Variants in BCL2A1 observed in about 807,000 individuals in gnomAD.
BCL2A1 encodes the protein bcl-2-related protein A1.
In BCL2A1, 10 loss-of-function variants were observed where a neutral mutation model predicts 14.4. The ratio of observed to expected loss-of-function variants is 0.69; its 90% CI spans 0.43 to 1.18. BCL2A1 has a LOEUF of 1.18. Ranked by LOEUF, BCL2A1 falls within the 50% of genes most tolerant of loss-of-function variation. BCL2A1 has a pLI of 0.00. For missense variants in BCL2A1, 158 were observed against 205.0 expected, an observed-to-expected ratio of 0.77 and a Z score of 1.40; for synonymous variants, 71 against 76.5, an observed-to-expected ratio of 0.93 and a Z score of 0.38.
At chr15:79,962,944 GA>G (rs1298224173) in intron 1 of BCL2A1, among the ~76,000 whole-genome samples, 2 of 151,600 alleles carry the variant, frequency 1.3e-5, no homozygotes, top group Non-Finnish European at 2.9e-5. Flanking sequence ...AGTGAACAAA[GA>G]AAAAAATGAT....
At chr15:79,963,084 C>T (rs1012164441) in intron 1 of BCL2A1, among the ~76,000 whole-genome samples, 1 of 151,978 alleles carries the variant, frequency 6.6e-6, no homozygotes, top group South Asian at 2.1e-4. Flanking sequence ...TGTGTTCAAG[C>T]GATTCTTCTG....
intron 1 of BCL2A1, among the ~76,000 whole-genome samples, chr15:79,961,486 G>C (rs973907142): frequency 2.0e-5 from 3 of 151,740 alleles, no homozygotes; most frequent in Non-Finnish European, 4.4e-5. Flanking sequence ...ACAAACCTTC[G>C]AAATCCAATG....
chr15:79,969,275 G>T (rs1003871104), intron 1 of BCL2A1, among the ~76,000 whole-genome samples: 1 of 152,178 alleles, frequency 6.6e-6, no homozygotes, highest in Non-Finnish European at 1.5e-5. Context: ...TGATGGGAGT[G>T]TAACTTGGTA....
chr15:79,970,603 T>G (rs759028124), intron 1 of BCL2A1, 97 bp downstream of exon 1: 2 of 1,236,714 alleles, frequency 1.6e-6, no homozygotes, highest in Non-Finnish European at 2.3e-6. Flanking sequence ...AATAGTATTC[T>G]TAGGTAAAGT....
Position 79,960,893 on chromosome 15 carries a change from A to G in BCL2A1, c.*174T>C, listed in dbSNP as rs1014229447. On this transcript the variant is annotated 3_prime_UTR_variant, in exon 2 of 2. Coordinates refer to ENST00000267953, the MANE Select transcript of BCL2A1 (RefSeq NM_004049.4). ...AAGAAATTAAGACAAAATGGCATAT[A>G]GAGAAAAATACATACAATTTATTCA... 8.3e-6 allele frequency: 9 copies of G among 1,087,122 alleles called. No homozygotes were observed. Among genetic ancestry groups the G allele is most frequent in the East Asian group, 2.4e-5 (1 of 40,978 alleles). The allele number at this position is 1,087,122 out of a possible 1,614,324, so 67.3% of individuals were successfully genotyped here.
chr15:79,963,774 G>A (rs1401851069), intron 1 of BCL2A1, among the ~76,000 whole-genome samples: 5 of 152,124 alleles, frequency 3.3e-5, no homozygotes, highest in Non-Finnish European at 5.9e-5. Flanking sequence ...GCATACCCAT[G>A]CTTCAGTATT....
At chr15:79,966,360 G>A (rs954993945) in intron 1 of BCL2A1, among the ~76,000 whole-genome samples, 1 of 152,144 alleles carries the variant, frequency 6.6e-6, no homozygotes, top group Admixed American at 6.6e-5. Context: ...CAAATATTCA[G>A]TTTCAGTGTT....
chr15:79,967,222 T>A (rs1241052937), intron 1 of BCL2A1, among the ~76,000 whole-genome samples: 1 of 67,120 alleles, frequency 1.5e-5, no homozygotes, highest in African/African-American at 7.5e-5. Flanking sequence ...CACATACCGC[T>A]TTTTTTTTTT....
intron 1 of BCL2A1, 37 bp from the exon 2 acceptor site, chr15:79,961,211 G>A: frequency 6.3e-7 from 1 of 1,579,910 alleles, no homozygotes. Flanking sequence ...AAACATCATT[G>A]GAGATTAAGT....
At chr15:79,969,090 A>G (rs567118409) in intron 1 of BCL2A1, among the ~76,000 whole-genome samples, 1 of 151,818 alleles carries the variant, frequency 6.6e-6, no homozygotes, top group Non-Finnish European at 1.5e-5. Context: ...ATATGAAAAG[A>G]TGCTCAAAAT....
chr15:79,968,765 T>C (rs2035567945), intron 1 of BCL2A1, among the ~76,000 whole-genome samples: 1 of 152,182 alleles, frequency 6.6e-6, no homozygotes, highest in Non-Finnish European at 1.5e-5. Flanking sequence ...ACCCTGTCTC[T>C]ACTAAAAATA....
At chr15:79,962,877 C>G (rs959201963) in intron 1 of BCL2A1, among the ~76,000 whole-genome samples, 6 of 151,700 alleles carry the variant, frequency 4.0e-5, no homozygotes, top group Non-Finnish European at 5.9e-5. Flanking sequence ...CGATCATTGT[C>G]TATTATCATT....
At chr15:79,965,277 G>A (rs1433563015) in intron 1 of BCL2A1, among the ~76,000 whole-genome samples, 14 of 152,086 alleles carry the variant, frequency 9.2e-5, no homozygotes, top group Admixed American at 4.6e-4. Context: ...ACAGGCATGC[G>A]CCACCACGCC....
At chr15:79,962,258 G>C (rs1246067872) in intron 1 of BCL2A1, among the ~76,000 whole-genome samples, 5 of 152,164 alleles carry the variant, frequency 3.3e-5, no homozygotes, top group Non-Finnish European at 7.3e-5. Flanking sequence ...ATCATTTTAT[G>C]AGCATCACTG....
intron 1 of BCL2A1, among the ~76,000 whole-genome samples, chr15:79,963,924 A>G (rs984830999): frequency 2.0e-5 from 3 of 152,230 alleles, no homozygotes; most frequent in Non-Finnish European, 2.9e-5. Flanking sequence ...TTAACATGAA[A>G]TATGTGAGAC....
At chr15:79,963,045 G>A (rs1055065830) in intron 1 of BCL2A1, among the ~76,000 whole-genome samples, 11 of 152,042 alleles carry the variant, frequency 7.2e-5, no homozygotes, top group Admixed American at 6.6e-5. Context: ...GCAATGGCGC[G>A]ATCTCAGCTG....
chr15:79,969,137 A>G (rs574364655), intron 1 of BCL2A1, among the ~76,000 whole-genome samples: 1 of 152,266 alleles, frequency 6.6e-6, no homozygotes, highest in South Asian at 2.1e-4. Flanking sequence ...AATCAAGAAA[A>G]CAAGAATTGA....
intron 1 of BCL2A1, among the ~76,000 whole-genome samples, chr15:79,966,646 T>C (rs1203443340): frequency 6.6e-6 from 1 of 152,214 alleles, no homozygotes; most frequent in African/African-American, 2.4e-5. Context: ...CCTTTCCTTA[T>C]GAATGCTGGA....
Position 79,971,129 on chromosome 15 carries a change from G to A in BCL2A1, c.-10C>T. ...ATTCACAGTCTGTCATCTTCTGCCT[G>A]GTGGAGAGCAAAGTCTTGAGCTGGC... On this transcript the variant is annotated 5_prime_UTR_variant, in exon 1 of 2. Coordinates refer to ENST00000267953, the MANE Select transcript of BCL2A1 (RefSeq NM_004049.4). 1 of 1,609,688 alleles carries A rather than the reference G, an allele frequency of 6.2e-7. No homozygotes were observed. The highest frequency in any genetic ancestry group is 8.5e-7 in the Non-Finnish European group (1 of 1,177,194).
Sources: gnomAD v4.1 joint callset for allele counts (sites outside exome capture counted in the v4.1 genomes callset) on GRCh38, gnomAD v4.1.1 for gene constraint, MANE v1.5 for transcripts, NCBI Gene and HGNC (gene_info 2026-07-23, HGNC 2026-07-21) for gene names.